Variants in RGL3 observed in about 807,000 individuals in gnomAD.
RGL3 encodes ral guanine nucleotide dissociation stimulator like 3, also known as ral guanine nucleotide dissociation stimulator-like 3.
In RGL3, 85 loss-of-function variants were observed where a neutral mutation model predicts 90.6. That is an observed-to-expected ratio of 0.94 (90% CI 0.79 to 1.12). The LOEUF is 1.12. RGL3 is among the 50% of genes most tolerant of loss of function. The pLI, the probability that RGL3 is intolerant of heterozygous loss-of-function variation, is 0.00. For synonymous variants in RGL3, 408 were observed against 385.5 expected, an observed-to-expected ratio of 1.06 and a Z score of -0.68; for missense variants, 1,034 against 939.2, an observed-to-expected ratio of 1.10 and a Z score of -1.32.
At position 11,419,274 on chromosome 19, in the gene RGL3, TC is replaced by T; in HGVS notation, c.4del (p.Glu2SerfsTer65). 6.4e-7 allele frequency: 1 copy of T among 1,567,940 alleles called. No individual in the cohort carries two copies. The stretch of plus-strand genomic sequence containing the variant: ...GGCCAGCTCTTTGCCTGCTGTGCGC[TC>T]CATGGCCGGCGCCCGTCCCTCTCAG... Reference protein sequence around the residue: MERTAGKELALA... With the variant: MXRTAGKELALA... On this transcript the variant is annotated frameshift_variant, in exon 1 of 19. Transcript: ENST00000380456. LOFTEE classifies it high-confidence loss of function.
At chr19:11,400,812 T>A (rs987204340) in intron 13 of RGL3, among the ~76,000 whole-genome samples, 5 of 151,308 alleles carry the variant, frequency 3.3e-5, no homozygotes, top group African/African-American at 9.7e-5. Context: ...CCGAGATCAC[T>A]CCACTGCACT....
chr19:11,418,855 G>A, intron 1 of RGL3, 71 bp from the exon 2 acceptor site: 2 of 1,277,176 alleles, frequency 1.6e-6, no homozygotes, highest in Non-Finnish European at 2.1e-6. Flanking sequence ...TTGGCCGCTC[G>A]GACTCGGGCC....
At chr19:11,413,966 T>C (rs1339656477) in intron 5 of RGL3, among the ~76,000 whole-genome samples, 1 of 148,766 alleles carries the variant, frequency 6.7e-6, no homozygotes, top group Non-Finnish European at 1.5e-5. Flanking sequence ...CAGGATGGTC[T>C]CGATCTCCGA....
rs1968638176 is a variant in RGL3 at position 11,399,744 on chromosome 19, C to T, written c.1746+111G>A. On this transcript the variant is annotated intron_variant, in intron 16 of 18. Transcript: ENST00000380456. ...GGGCGCTCAGTGTGCCTCCTGTATA[C>T]ACTCCTGGCCCCACAATCCTGTGTG... 4 of 600,384 alleles carry T rather than the reference C, an allele frequency of 6.7e-6. No homozygotes were observed. In the South Asian group the frequency reaches 1.2e-4, roughly 18 times the overall value. The allele number at this position is 600,384 out of a possible 1,614,324, so 37.2% of individuals were successfully genotyped here. A position where few individuals can be genotyped will look rare whatever the true frequency, so the allele number is the denominator to read the frequency against.
intron 18 of RGL3, among the ~76,000 whole-genome samples, chr19:11,396,359 G>A (rs779226087): frequency 1.3e-4 from 20 of 148,988 alleles, no homozygotes; most frequent in African/African-American, 4.9e-4. Flanking sequence ...TAGTAGAGAC[G>A]GGGCTTCACC....
In RGL3 at chr19:11,416,152, G is replaced by A. The variant is rs1968992692; in HGVS notation, c.426-4C>T. On this transcript the variant is annotated splice_polypyrimidine_tract_variant and splice_region_variant and intron_variant, in intron 4 of 18. Transcript: ENST00000380456. The stretch of plus-strand genomic sequence containing the variant: ...GCCCAGCACTGACACCACAGCCCTG[G>A]CCAGAGAGGCAGGGTCTCAGAGCTG... The A allele has an allele frequency of 2.0e-6, 3 of 1,535,802 alleles. No homozygotes were observed. The highest frequency in any genetic ancestry group is 2.6e-6 in the Non-Finnish European group (3 of 1,145,116).
intron 5 of RGL3, among the ~76,000 whole-genome samples, chr19:11,412,049 GT>G (rs1968883539): frequency 1.3e-5 from 2 of 152,132 alleles, no homozygotes; most frequent in African/African-American, 4.8e-5. Flanking sequence ...GGAGGCCAAG[GT>G]GGGCGGATCA....
At chr19:11,398,906 T>C (rs1386919238) in intron 16 of RGL3, among the ~76,000 whole-genome samples, 1 of 152,018 alleles carries the variant, frequency 6.6e-6, no homozygotes, top group African/African-American at 2.4e-5. Context: ...CTTGACCTCG[T>C]GATCCGCCCA....
At chr19:11,399,401 T>C (rs754281468) in intron 16 of RGL3, among the ~76,000 whole-genome samples, 1 of 151,934 alleles carries the variant, frequency 6.6e-6, no homozygotes, top group Non-Finnish European at 1.5e-5. Flanking sequence ...ACCTCATCTC[T>C]ACTAAATAAA....
intron 9 of RGL3, 151 bp from the exon 10 acceptor site, chr19:11,402,857 C>A: frequency 1.5e-6 from 1 of 671,382 alleles, no homozygotes; most frequent in Non-Finnish European, 2.5e-6. Context: ...CCTGTAATCC[C>A]AGCACTTTGG....
chr19:11,397,717 A>G (rs1968603204), intron 16 of RGL3, 120 bp from the exon 17 acceptor site: 4 of 1,090,878 alleles, frequency 3.7e-6, no homozygotes, highest in African/African-American at 3.2e-5. Flanking sequence ...TAAAATCTCA[A>G]GAAAACATTG....
chr19:11,396,153 TATA>T lies in RGL3; in HGVS notation c.2014+1088_2014+1090del, dbSNP rs1568334111. Among the ~76,000 whole-genome samples, 19 of 76,220 alleles carry T rather than the reference TATA, an allele frequency of 2.5e-4. 1 individual carries two copies. The highest frequency in any genetic ancestry group is 1.0e-3 in the East Asian group (3 of 2,876). 50.0% of individuals were successfully genotyped at this position (76,220 alleles called of 152,430 possible). On this transcript the variant is annotated intron_variant, in intron 18 of 18. Transcript: ENST00000380456. ...CTCTCTCTCTATATATATATATATA[TATA>T]TATTTTTTTTTTTTTTTTTTTTTTT...
chr19:11,405,432 A>G lies in RGL3; in HGVS notation c.997-6T>C. 6.9e-7 allele frequency: 1 copy of G among 1,442,378 alleles called. No homozygotes were observed. The highest frequency in any genetic ancestry group is 9.3e-7 in the Non-Finnish European group (1 of 1,074,778). 89.3% of individuals were successfully genotyped at this position (1,442,378 alleles called of 1,614,324 possible). A position where few individuals can be genotyped will look rare whatever the true frequency, so the allele number is the denominator to read the frequency against. ...TTCCGCAGTTCTCGGCAGCGCTGCC[A>G]GGCGGTGGGGACGCAGGTCAGACCC... On this transcript the variant is annotated splice_polypyrimidine_tract_variant and splice_region_variant and intron_variant, in intron 7 of 18. Coordinates refer to ENST00000380456, the MANE Select transcript of RGL3 (RefSeq NM_001035223.4).
In RGL3 at chr19:11,405,313, CCCAGCTCA is replaced by C. The variant is rs1284684582; in HGVS notation, c.1100+2_1100+9del. 1.2e-6 allele frequency: 2 copies of C among 1,613,312 alleles called. No homozygotes were observed. Among genetic ancestry groups the C allele is most frequent in the Admixed American group, 3.3e-5 (2 of 59,882 alleles). Reference sequence around the variant, plus strand: ...GGATGGGCTGGGGAACAGGTCCCGCCCCAGCTCACCGGCTCACTGCCCCCCAGCTGCGC... The same window carrying C: ...GGATGGGCTGGGGAACAGGTCCCGCCCCGGCTCACTGCCCCCCAGCTGCGC... On this transcript the variant is annotated splice_donor_variant and splice_donor_5th_base_variant and intron_variant, in intron 8 of 18. Transcript: ENST00000380456. LOFTEE classifies it high-confidence loss of function.
At chr19:11,407,020 C>G (rs1968796797) in intron 5 of RGL3, 156 bp from the exon 6 acceptor site, 3 of 681,336 alleles carry the variant, frequency 4.4e-6, no homozygotes, top group Non-Finnish European at 7.1e-6. Flanking sequence ...CAGTCTTACT[C>G]TGTTGCCCAA....
At chr19:11,409,794 A>T (rs1968843233) in intron 5 of RGL3, among the ~76,000 whole-genome samples, 1 of 152,198 alleles carries the variant, frequency 6.6e-6, no homozygotes, top group South Asian at 2.1e-4. Flanking sequence ...TGACGCTAGG[A>T]CAGGCAAAGA....
rs371193599 is a variant in RGL3 at position 11,409,437 on chromosome 19, T to C, written c.638-2573A>G. Among the ~76,000 whole-genome samples the C allele has an allele frequency of 1.5e-4, 23 of 151,950 alleles. No homozygotes were observed. The South Asian group carries it at 2.7e-3, about 18-fold the overall frequency. On this transcript the variant is annotated intron_variant, in intron 5 of 18. Coordinates refer to ENST00000380456, the MANE Select transcript of RGL3 (RefSeq NM_001035223.4). ...CGGAGCTTGCAGTAAGCCGAGATCA[T>C]GCCACTGCACTCCAGCCTGGGCGAC...
rs775401225 is a variant in RGL3 at position 11,416,865 on chromosome 19, C to T, written c.342G>A (p.Leu114=). The T allele has an allele frequency of 1.2e-6, 2 of 1,613,840 alleles. No homozygotes were observed. The highest frequency in any genetic ancestry group is 2.2e-5 in the East Asian group (1 of 44,882). The change falls in exon 3 of 19, where the codon CTG becomes CTA. Residue 114 remains leucine, a synonymous_variant. Transcript: ENST00000380456. ...GAGGTGGGGGCGGTGGCATTGGTGGCAGCAGAAAGCCCAGCAGGCAGGCAG... is the reference window on the plus strand; with the variant it reads ...GAGGTGGGGGCGGTGGCATTGGTGGTAGCAGAAAGCCCAGCAGGCAGGCAG... ...VPTACLLGFL[L]PPMPPPPPPG...
At chr19:11,406,691 G>A (rs1435664267) in intron 6 of RGL3, 31 bp downstream of exon 6, 1 of 1,611,330 alleles carries the variant, frequency 6.2e-7, no homozygotes, top group South Asian at 1.1e-5. Context: ...CCCTCACTGT[G>A]GCTCATCCCG....
Sources: allele counts gnomAD v4.1 joint callset (sites outside exome capture counted in the v4.1 genomes callset), GRCh38; gene constraint gnomAD v4.1.1; transcripts MANE v1.5; gene names NCBI Gene and HGNC (gene_info 2026-07-23, HGNC 2026-07-21).